Variants in ECT2 observed in about 807,000 individuals in gnomAD.
The protein encoded by ECT2 is epithelial cell transforming 2.
A neutral mutation model predicts 116.9 loss-of-function variants in ECT2; 61 were observed. The observed-to-expected ratio is 0.52, with a 90% confidence interval of 0.42 to 0.65. The LOEUF is 0.65. Among genes scored for constraint, ECT2 ranks in the 30% least tolerant of loss-of-function variants. The pLI, the probability that ECT2 is intolerant of heterozygous loss-of-function variation, is 0.00. For missense variants in ECT2, 937 were observed against 1,078.7 expected (o/e 0.87, Z 1.84); for synonymous variants, 358 against 346.4 (o/e 1.03, Z -0.37).
At chr3:172,799,790 T>G (rs1320264140) in intron 18 of ECT2, among the ~76,000 whole-genome samples, 2 of 152,210 alleles carry the variant, frequency 1.3e-5, no homozygotes, top group East Asian at 3.8e-4. Flanking sequence ...TATTAATTAT[T>G]TTTTGTGTTA....
intron 18 of ECT2, among the ~76,000 whole-genome samples, chr3:172,793,404 C>G (rs189043399): frequency 3.6e-4 from 54 of 151,864 alleles, no homozygotes; most frequent in Admixed American, 1.0e-3. Context: ...ACCTCGTAAT[C>G]CACCTGCCAA....
rs767672267 is a variant in ECT2, at chr3:172,759,048, A to G, written c.555A>G (p.Gly185=). 6.2e-7 allele frequency: 1 copy of G among 1,603,386 alleles called. No homozygotes were observed. The highest frequency in any genetic ancestry group is 2.2e-5 in the East Asian group (1 of 44,650). The part of the protein sequence containing the change: ...SMMNLVLCFT[G]FRKKEELVRL... ...TGAATCTAGTACTATGCTTTACTGG[A>G]TTTAGGAAAAAAGAAGAACTAGTAA... The change falls in exon 6 of 25, where the codon GGA becomes GGG. Residue 185 remains glycine (G), a synonymous_variant. Transcript: ENST00000392692.
intron 14 of ECT2, among the ~76,000 whole-genome samples, chr3:172,774,963 T>C (rs1721385634): frequency 6.6e-6 from 1 of 152,236 alleles, no homozygotes. Context: ...TTGGCTTGTT[T>C]TGAAAACTCT....
the ECT2 span, chr3:172,828,779 C>T: frequency 7.2e-5 from 47 of 652,986 alleles, no homozygotes; most frequent in South Asian, 7.1e-4. Context: ...AGAAGAACCC[C>T]CCATGGCCTC....
intron 14 of ECT2, among the ~76,000 whole-genome samples, chr3:172,781,120 A>G (rs992964049): frequency 3.0e-4 from 45 of 152,216 alleles, no homozygotes; most frequent in African/African-American, 1.1e-3. Context: ...TGCATGTGGG[A>G]TATCTAATTT....
At chr3:172,758,472 C>CACACAT (rs1452263162) in intron 5 of ECT2, among the ~76,000 whole-genome samples, 1 of 148,326 alleles carries the variant, frequency 6.7e-6, no homozygotes, top group Non-Finnish European at 1.5e-5. Flanking sequence ...CTTTTATACA[C>CACACAT]ACACACACAC....
At chr3:172,764,555 T>G in intron 12 of ECT2, 55 bp downstream of exon 12, 1 of 1,465,772 alleles carries the variant, frequency 6.8e-7, no homozygotes, top group Non-Finnish European at 9.5e-7. Context: ...GGAATAATTG[T>G]TAGAATTTAG....
chr3:172,784,319 C>G (rs533764055), intron 16 of ECT2, among the ~76,000 whole-genome samples: 1 of 152,116 alleles, frequency 6.6e-6, no homozygotes, highest in East Asian at 1.9e-4. Context: ...TATTTTAGTT[C>G]TCAAAACACC....
chr3:172,817,909 C>G (rs1730039751), intron 24 of ECT2, among the ~76,000 whole-genome samples: 1 of 152,058 alleles, frequency 6.6e-6, no homozygotes, highest in Admixed American at 6.6e-5. Flanking sequence ...AATCCTTGCT[C>G]TGCTATTTAC....
At chr3:172,773,829 C>T in intron 13 of ECT2, 74 bp from the exon 14 acceptor site, 3 of 1,445,564 alleles carry the variant, frequency 2.1e-6, no homozygotes, top group Non-Finnish European at 2.9e-6. Context: ...CTTGTGTCTC[C>T]TTTATCACTG....
chr3:172,809,568 TACAC>T (rs10576393), intron 22 of ECT2, among the ~76,000 whole-genome samples: 20,218 of 146,530 alleles, frequency 0.14, 1,480 homozygotes, highest in South Asian at 0.19. Context: ...TGTGTATATC[TACAC>T]ACACACACAC....
At position 172,820,428 on chromosome 3, in the gene ECT2, G is replaced by A. The variant is rs529334991; in HGVS notation, c.*191G>A. On this transcript the variant is annotated 3_prime_UTR_variant, in exon 25 of 25. Coordinates refer to ENST00000392692, the MANE Select transcript of ECT2 (RefSeq NM_001258315.2). ...CTGTTACATTTTCAAGTTAATTCATGTAAAAAATGATAGTGATTTTGATGT... is the reference window on the plus strand; with the variant it reads ...CTGTTACATTTTCAAGTTAATTCATATAAAAAATGATAGTGATTTTGATGT... 2.7e-6 allele frequency: 1 copy of A among 364,362 alleles called. No homozygotes were observed. The highest frequency in any genetic ancestry group is 2.1e-5 in the African/African-American group (1 of 47,634). The allele number at this position is 364,362 out of a possible 1,614,324, so 22.6% of individuals were successfully genotyped here.
intron 14 of ECT2, among the ~76,000 whole-genome samples, chr3:172,780,871 G>A (rs1310044357): frequency 6.9e-6 from 1 of 145,548 alleles, no homozygotes; most frequent in East Asian, 1.9e-4. Context: ...GCTACTGTCT[G>A]TTGCCTGTTT....
intron 18 of ECT2, among the ~76,000 whole-genome samples, chr3:172,788,814 CT>C: frequency 6.6e-6 from 1 of 152,306 alleles, no homozygotes; most frequent in Middle Eastern, 3.4e-3. Flanking sequence ...AATCCCAACA[CT>C]TTGGGAGGCT....
intron 5 of ECT2, 39 bp downstream of exon 5, chr3:172,757,204 T>G (rs750998607): frequency 2.9e-6 from 4 of 1,358,318 alleles, no homozygotes; most frequent in Non-Finnish European, 3.9e-6. Context: ...CAAGTTAAAA[T>G]TTTTATTAAT....
At chr3:172,782,372 G>A (rs1262546046) in intron 15 of ECT2, 141 bp downstream of exon 15, 4 of 454,216 alleles carry the variant, frequency 8.8e-6, no homozygotes, top group South Asian at 5.4e-5. Context: ...CATTGGAAAT[G>A]TTCTTTGTCT....
intron 13 of ECT2, among the ~76,000 whole-genome samples, chr3:172,772,258 G>A (rs557772530): frequency 3.2e-4 from 49 of 151,614 alleles, no homozygotes; most frequent in South Asian, 1.0e-3. Flanking sequence ...TTGCTCTGTC[G>A]CCCAGGCTGG....
chr3:172,816,226 G>C (rs2109339998), intron 23 of ECT2, among the ~76,000 whole-genome samples: 1 of 152,218 alleles, frequency 6.6e-6, no homozygotes, highest in African/African-American at 2.4e-5. Context: ...ATTCTCTACT[G>C]CTAGATTTAC....
chr3:172,795,827 A>T (rs1725539039), intron 18 of ECT2, among the ~76,000 whole-genome samples: 1 of 152,154 alleles, frequency 6.6e-6, no homozygotes, highest in Admixed American at 6.5e-5. Context: ...AAAAAACAAA[A>T]ACGAATTGCT....
Sources: gnomAD v4.1 joint callset for allele counts (sites outside exome capture counted in the v4.1 genomes callset) on GRCh38, gnomAD v4.1.1 for gene constraint, MANE v1.5 for transcripts, NCBI Gene and HGNC (gene_info 2026-07-23, HGNC 2026-07-21) for gene names.